CTNNA3: variants seen among roughly 807,000 people sequenced by gnomAD.
CTNNA3 encodes catenin alpha-3.
CTNNA3 carries 76 observed loss-of-function variants against 95.7 expected under a neutral mutation model. That is an observed-to-expected ratio of 0.79 (90% CI 0.66 to 0.96). CTNNA3 has a LOEUF of 0.96. Among genes scored for constraint, CTNNA3 ranks in the 40% least tolerant of loss-of-function variants. The pLI is 0.00. For synonymous variants in CTNNA3, 431 were observed against 374.4 expected (o/e 1.15, Z -1.74); for missense variants, 1,191 against 1,089.8 (o/e 1.09, Z -1.31).
intron 9 of CTNNA3, among the ~76,000 whole-genome samples, chr10:66,762,617 AG>A (rs1216707090): frequency 6.6e-6 from 1 of 151,746 alleles, no homozygotes; most frequent in African/African-American, 2.4e-5. Context: ...ACCAAGGAAC[AG>A]GCATGTTCAG....
At chr10:66,584,691 A>G (rs1054434169) in intron 10 of CTNNA3, among the ~76,000 whole-genome samples, 1 of 151,920 alleles carries the variant, frequency 6.6e-6, no homozygotes, top group African/African-American at 2.4e-5. Flanking sequence ...GTTACATTAA[A>G]CATTGAGATG....
chr10:67,481,074 TTC>T (rs1215286562), intron 5 of CTNNA3, among the ~76,000 whole-genome samples: 1 of 152,208 alleles, frequency 6.6e-6, no homozygotes, highest in Non-Finnish European at 1.5e-5. Context: ...TTGGTTTTAA[TTC>T]TTTTTATGTG....
intron 1 of CTNNA3, among the ~76,000 whole-genome samples, chr10:67,757,518 A>G (rs1230509060): frequency 6.6e-6 from 1 of 152,210 alleles, no homozygotes; most frequent in East Asian, 1.9e-4. Flanking sequence ...TAATGCGGCT[A>G]GAATAAAGCA....
chr10:66,825,091 C>A (rs1320876256), intron 7 of CTNNA3, among the ~76,000 whole-genome samples: 1 of 151,164 alleles, frequency 6.6e-6, no homozygotes, highest in East Asian at 1.9e-4. Context: ...CACTCACACA[C>A]AGGCCAGAGT....
In CTNNA3 at chr10:67,657,391, T is replaced by C. The variant is rs1564813648; in HGVS notation, c.-5-9873A>G. ...TTGGAGTTGTCAGCATAAAGGTAGA[T>C]ACAATGAGACTACCAAGGAAGCATG... On this transcript the variant is annotated intron_variant, in intron 1 of 17. Coordinates refer to ENST00000433211, the MANE Select transcript of CTNNA3 (RefSeq NM_013266.4). Among the ~76,000 whole-genome samples, 3 of 152,160 alleles carry C rather than the reference T, an allele frequency of 2.0e-5. No individual in the cohort carries two copies. The South Asian group carries it at 6.2e-4, about 31-fold the overall frequency.
chr10:67,625,331 G>T (rs1838918379), intron 2 of CTNNA3, among the ~76,000 whole-genome samples: 1 of 152,116 alleles, frequency 6.6e-6, no homozygotes, highest in Non-Finnish European at 1.5e-5. Context: ...CAATACTGGA[G>T]GCACCATATG....
intron 11 of CTNNA3, among the ~76,000 whole-genome samples, chr10:66,453,218 A>G (rs903237137): frequency 1.4e-5 from 2 of 145,916 alleles, no homozygotes; most frequent in Admixed American, 1.3e-4. Flanking sequence ...CTCTGTCTCA[A>G]AAAAGAAAAA....
chr10:66,004,440 G>A (rs74610490), intron 15 of CTNNA3, among the ~76,000 whole-genome samples: 19,727 of 151,962 alleles, frequency 0.13, 1,355 homozygotes, highest in East Asian at 0.2. Context: ...CTAAGGGGGG[G>A]AATTACTATG....
intron 16 of CTNNA3, among the ~76,000 whole-genome samples, chr10:65,978,964 G>A (rs753098443): frequency 6.6e-6 from 1 of 152,104 alleles, no homozygotes; most frequent in Non-Finnish European, 1.5e-5. Flanking sequence ...TAATGTCAGT[G>A]GTAGAGGATA....
intron 7 of CTNNA3, among the ~76,000 whole-genome samples, chr10:66,776,911 T>C (rs887039615): frequency 1.3e-5 from 2 of 152,188 alleles, no homozygotes; most frequent in Admixed American, 1.3e-4. Flanking sequence ...GTAACTTACA[T>C]AGGACTTATC....
At chr10:66,958,308 C>CAAA (rs35076056) in intron 7 of CTNNA3, among the ~76,000 whole-genome samples, 7 of 86,944 alleles carry the variant, frequency 8.1e-5, no homozygotes, top group African/African-American at 1.2e-4. Flanking sequence ...TGCTTTCTTG[C>CAAA]AAAAAAAAAA....
intron 7 of CTNNA3, among the ~76,000 whole-genome samples, chr10:67,011,145 C>T (rs868576537): frequency 1.3e-5 from 2 of 151,902 alleles, no homozygotes; most frequent in African/African-American, 4.8e-5. Context: ...CTGGCTAACA[C>T]GGTGAAACCC....
chr10:66,736,537 A>G (rs1161514569), intron 9 of CTNNA3, among the ~76,000 whole-genome samples: 1 of 152,004 alleles, frequency 6.6e-6, no homozygotes, highest in Non-Finnish European at 1.5e-5. Flanking sequence ...TATAAATTGA[A>G]CCCCTTCTTT....
rs1839041924 is a variant in CTNNA3 at position 66,469,281 on chromosome 10, A to T, written c.1531+51336T>A. Among the ~76,000 whole-genome samples, 2 of 151,962 alleles carry T rather than the reference A, an allele frequency of 1.3e-5. 1 individual carries two copies. Among genetic ancestry groups the T allele is most frequent in the Middle Eastern group, 6.3e-3 (2 of 316 alleles). On this transcript the variant is annotated intron_variant, in intron 11 of 17. Transcript: ENST00000433211. ...TCAAGGAATTTTCAATGAGTGCAGA[A>T]TATTTGAAAAGCTTGAGATATAAAA...
At chr10:67,596,886 TC>T (rs771500203) in intron 3 of CTNNA3, among the ~76,000 whole-genome samples, 2 of 152,220 alleles carry the variant, frequency 1.3e-5, no homozygotes, top group African/African-American at 2.4e-5. Context: ...TCTTTCCCTC[TC>T]TTTCAGGGAT....
intron 15 of CTNNA3, among the ~76,000 whole-genome samples, chr10:66,049,960 CA>C (rs1220896572): frequency 6.6e-6 from 1 of 151,598 alleles, no homozygotes; most frequent in Admixed American, 6.6e-5. Context: ...TTTTTAAGGC[CA>C]AAAAAGTGTA....
intron 10 of CTNNA3, among the ~76,000 whole-genome samples, chr10:66,618,427 C>T (rs954399633): frequency 1.3e-5 from 2 of 152,086 alleles, no homozygotes; most frequent in African/African-American, 4.8e-5. Context: ...ACTATCTGAT[C>T]TTTGACAAAC....
intron 15 of CTNNA3, among the ~76,000 whole-genome samples, chr10:65,992,881 T>C (rs947382741): frequency 6.6e-6 from 1 of 152,176 alleles, no homozygotes; most frequent in Non-Finnish European, 1.5e-5. Flanking sequence ...TTTATTGCTA[T>C]GAACTTCCCT....
At chr10:66,145,749 A>G (rs188231065) in intron 13 of CTNNA3, among the ~76,000 whole-genome samples, 2 of 152,026 alleles carry the variant, frequency 1.3e-5, no homozygotes, top group East Asian at 3.9e-4. Context: ...AGTGTTTTTT[A>G]TTTTTTTTCA....
Sources: gnomAD v4.1 joint callset for allele counts (sites outside exome capture counted in the v4.1 genomes callset) on GRCh38, gnomAD v4.1.1 for gene constraint, MANE v1.5 for transcripts, NCBI Gene and HGNC (gene_info 2026-07-23, HGNC 2026-07-21) for gene names.